PIP5K1A: variants seen among roughly 807,000 people sequenced by gnomAD.
PIP5K1A encodes phosphatidylinositol 4-phosphate 5-kinase type-1 alpha.
PIP5K1A carries 46 observed loss-of-function variants against 72.9 expected under a neutral mutation model. The observed-to-expected ratio is 0.63, with a 90% CI of 0.50 to 0.81. The LOEUF is 0.81. PIP5K1A is among the 30% of genes least tolerant of loss of function. The probability of loss-of-function intolerance (pLI) is 0.00; values close to 1 mark genes in which losing one functional copy is unlikely to be tolerated. For missense variants in PIP5K1A, 458 were observed against 706.1 expected, an observed-to-expected ratio of 0.65 and a Z score of 3.98; for synonymous variants, 228 against 255.1, an observed-to-expected ratio of 0.89 and a Z score of 1.01.
chr1:151,240,146 C>G (rs931936337), intron 12 of PIP5K1A, 107 bp downstream of exon 12: 43 of 768,712 alleles, frequency 5.6e-5, no homozygotes, highest in Non-Finnish European at 8.5e-5. Context: ...ATGCCAGAGG[C>G]CTCTCCTTCC....
At chr1:151,213,136 G>T (rs762292070) in intron 1 of PIP5K1A, among the ~76,000 whole-genome samples, 1 of 152,080 alleles carries the variant, frequency 6.6e-6, no homozygotes, top group Non-Finnish European at 1.5e-5. Context: ...TGATTCCCCC[G>T]CCTTGGCCTC....
At position 151,247,836 on chromosome 1, in the gene PIP5K1A, C is replaced by G. The variant is rs779470351; in HGVS notation, c.1687-27C>G. The G allele has an allele frequency of 5.6e-6, 9 of 1,593,572 alleles. No individual in the cohort carries two copies. In the South Asian group the frequency reaches 1.0e-4, roughly 18 times the overall value. ...TTCTGCTTAATCTCATACTCCACATCCTTAACTTTACACTCTCCCTTTTCA... is the reference window on the plus strand; with the variant it reads ...TTCTGCTTAATCTCATACTCCACATGCTTAACTTTACACTCTCCCTTTTCA... On this transcript the variant is annotated intron_variant, in intron 15 of 15. Coordinates refer to ENST00000368888, the MANE Select transcript of PIP5K1A (RefSeq NM_001135638.2).
intron 10 of PIP5K1A, 136 bp from the exon 11 acceptor site, chr1:151,238,994 T>G: frequency 1.6e-6 from 1 of 628,564 alleles, no homozygotes; most frequent in Non-Finnish European, 2.8e-6. Context: ...GGAAAACCAG[T>G]GTACCAGTAG....
chr1:151,242,362 T>G (rs770128940), intron 13 of PIP5K1A, 76 bp from the exon 14 acceptor site: 151 of 1,601,788 alleles, frequency 9.4e-5, no homozygotes, highest in Non-Finnish European at 1.2e-4. Context: ...CTGCTCCCAT[T>G]TCTATCCAGG....
intron 1 of PIP5K1A, among the ~76,000 whole-genome samples, chr1:151,220,442 T>C (rs1311729475): frequency 6.6e-6 from 1 of 152,062 alleles, no homozygotes; most frequent in Non-Finnish European, 1.5e-5. Flanking sequence ...GAGAGAATAG[T>C]ATAATGAACC....
At chr1:151,198,396 C>T (rs914505233), upstream of PIP5K1A, among the ~76,000 whole-genome samples, 9 of 152,048 alleles carry the variant, frequency 5.9e-5, no homozygotes, top group Non-Finnish European at 1.0e-4. Flanking sequence ...GACTGTCGGC[C>T]AACCCGCGCG....
intron 4 of PIP5K1A, among the ~76,000 whole-genome samples, chr1:151,230,009 A>C (rs1689805191): frequency 6.6e-6 from 1 of 152,200 alleles, no homozygotes; most frequent in South Asian, 2.1e-4. Context: ...AATGGTGTCA[A>C]CCAGGGAGGC....
At position 151,234,204 on chromosome 1, in the gene PIP5K1A, A is replaced by G. The variant is rs779867805; in HGVS notation, c.647A>G (p.Asn216Ser). 2.5e-6 allele frequency: 4 copies of G among 1,599,124 alleles called. No homozygotes were observed. The highest frequency in any genetic ancestry group is 1.3e-5 in the African/African-American group (1 of 74,564). ...KLLPGYYMNL[N>S]QNPRTLLPKF... Reference sequence around the variant, plus strand: ...TTCCTTTTGTGTTCTCAGAACCTCAACCAGAACCCTCGGACTTTGCTGCCT... The same window carrying G: ...TTCCTTTTGTGTTCTCAGAACCTCAGCCAGAACCCTCGGACTTTGCTGCCT... Residue 216 changes from asparagine (N) to serine (S), a missense_variant, in exon 8 of 16, where the codon AAC (asparagine) becomes AGC (serine). Around this residue, in one of 3 missense-constraint regions of PIP5K1A, gnomAD observed 220 missense variants for 442.6 expected, o/e 0.50. Coordinates refer to ENST00000368888, the MANE Select transcript of PIP5K1A (RefSeq NM_001135638.2).
At chr1:151,238,603 G>T (rs904782465) in intron 10 of PIP5K1A, 10 of 276,226 alleles carry the variant, frequency 3.6e-5, no homozygotes, top group Non-Finnish European at 6.2e-5. Context: ...GATACAACTG[G>T]AAACGTTACC....
intron 11 of PIP5K1A, among the ~76,000 whole-genome samples, chr1:151,239,389 C>T (rs587654760): frequency 1.3e-5 from 2 of 151,880 alleles, no homozygotes; most frequent in Admixed American, 1.3e-4. Context: ...TCTCCTGCCT[C>T]AGCTTCCCGA....
At chr1:151,214,865 C>T (rs1214675120) in intron 1 of PIP5K1A, among the ~76,000 whole-genome samples, 7 of 151,534 alleles carry the variant, frequency 4.6e-5, no homozygotes, top group South Asian at 4.2e-4. Flanking sequence ...TACAGGCTTG[C>T]GCCACCACAC....
intron 1 of PIP5K1A, among the ~76,000 whole-genome samples, chr1:151,210,550 G>T (rs1342267463): frequency 6.6e-6 from 1 of 152,020 alleles, no homozygotes; most frequent in Non-Finnish European, 1.5e-5. Flanking sequence ...CAAAAAAGCT[G>T]CTTATCTCTT....
chr1:151,213,903 A>C (rs1276000065), intron 1 of PIP5K1A, among the ~76,000 whole-genome samples: 1 of 152,192 alleles, frequency 6.6e-6, no homozygotes, highest in Non-Finnish European at 1.5e-5. Flanking sequence ...GGTAAGGAAA[A>C]ATAGAAATTT....
At chr1:151,196,546 G>A (rs587705675), upstream of PIP5K1A, among the ~76,000 whole-genome samples, 58 of 139,940 alleles carry the variant, frequency 4.1e-4, 1 homozygote, top group African/African-American at 1.2e-3. Context: ...GTAAATGCAT[G>A]GGGATTTTTT....
intron 4 of PIP5K1A, among the ~76,000 whole-genome samples, chr1:151,231,167 G>T (rs1294378789): frequency 2.0e-5 from 3 of 146,580 alleles, no homozygotes; most frequent in Non-Finnish European, 4.4e-5. Context: ...AGATCATGCT[G>T]CTGTACTCCA....
intron 15 of PIP5K1A, among the ~76,000 whole-genome samples, chr1:151,247,408 T>C (rs1692664405): frequency 6.6e-6 from 1 of 152,118 alleles, no homozygotes; most frequent in African/African-American, 2.4e-5. Context: ...ATTACAGCCG[T>C]GAGCCATTGC....
rs754057942 is a variant in PIP5K1A at position 151,239,917 on chromosome 1, G to T, written c.1279-38G>T. The T allele has an allele frequency of 7.8e-6, 9 of 1,153,940 alleles. No individual in the cohort carries two copies. The African/African-American group carries it at 1.6e-4, about 20-fold the overall frequency. The allele number at this position is 1,153,940 out of a possible 1,614,324, so 71.5% of individuals were successfully genotyped here. On this transcript the variant is annotated intron_variant, in intron 11 of 15. Coordinates refer to ENST00000368888, the MANE Select transcript of PIP5K1A (RefSeq NM_001135638.2). ...CCCTTGGACTAGAGTTCCTCTTGCC[G>T]GGCCTCCTAACTCTATAGCATTTCT...
intron 1 of PIP5K1A, chr1:151,199,337 G>A: frequency 1.7e-6 from 1 of 596,616 alleles, no homozygotes; most frequent in Non-Finnish European, 2.8e-6. Flanking sequence ...GGGTGGCCCG[G>A]CGCGGTGGCT....
chr1:151,245,062 C>A (rs920210631), intron 14 of PIP5K1A, among the ~76,000 whole-genome samples: 1 of 151,634 alleles, frequency 6.6e-6, no homozygotes, highest in Non-Finnish European at 1.5e-5. Context: ...ATTTTAGCAT[C>A]GTTTGCTCTC....
Sources: allele counts gnomAD v4.1 joint callset (sites outside exome capture counted in the v4.1 genomes callset), GRCh38; gene constraint gnomAD v4.1.1; regional missense constraint gnomAD v4.1.1; transcripts MANE v1.5; gene names NCBI Gene and HGNC (gene_info 2026-07-23, HGNC 2026-07-21).